The following UBE2E1 variants were observed in gnomAD, a reference collection of about 807,000 sequenced individuals.
UBE2E1 encodes ubiquitin conjugating enzyme E2 E1.
A neutral mutation model predicts 21.4 loss-of-function variants in UBE2E1; 6 were observed. The observed-to-expected ratio is 0.28, with a 90% CI of 0.15 to 0.55. The LOEUF is 0.55. Ranked by LOEUF, UBE2E1 falls within the 20% of genes least tolerant of loss-of-function variation. The probability of loss-of-function intolerance (pLI) is 0.93; values close to 1 mark genes in which losing one functional copy is unlikely to be tolerated. For synonymous variants in UBE2E1, 87 were observed against 82.7 expected (o/e 1.05, Z -0.28); for missense variants, 142 against 236.5 (o/e 0.60, Z 2.62).
intron 3 of UBE2E1, among the ~76,000 whole-genome samples, chr3:23,872,897 G>T (rs1011730996): frequency 2.6e-5 from 4 of 151,596 alleles, no homozygotes; most frequent in African/African-American, 9.7e-5. Flanking sequence ...CATGCCTGTA[G>T]TCCCAGCTAC....
chr3:23,807,123 G>A (rs1699295827), intron 1 of UBE2E1, 114 bp from the exon 2 acceptor site: 3 of 781,268 alleles, frequency 3.8e-6, no homozygotes, highest in Non-Finnish European at 5.8e-6. Flanking sequence ...CGAGTGGAGG[G>A]CGGTGGGCGG....
chr3:23,824,246 T>C (rs558329209), intron 3 of UBE2E1, among the ~76,000 whole-genome samples: 2 of 152,156 alleles, frequency 1.3e-5, no homozygotes, highest in Non-Finnish European at 2.9e-5. Flanking sequence ...CCCAGACTTA[T>C]TTGTTATGGA....
intron 3 of UBE2E1, among the ~76,000 whole-genome samples, chr3:23,865,528 T>C (rs1700638782): frequency 6.6e-6 from 1 of 152,150 alleles, no homozygotes; most frequent in Admixed American, 6.5e-5. Context: ...CTGTGTTTTG[T>C]ATTTTTTTAG....
chr3:23,891,267 T>G lies in UBE2E1; in HGVS notation c.*661T>G, dbSNP rs2125338217. 1 of 152,388 alleles carries G rather than the reference T, an allele frequency of 6.6e-6. No individual in the cohort carries two copies. The highest frequency in any genetic ancestry group is 2.1e-4 in the South Asian group (1 of 4,828). 9.4% of individuals were successfully genotyped at this position (152,388 alleles called of 1,614,324 possible). A position where few individuals can be genotyped will look rare whatever the true frequency, so the allele number is the denominator to read the frequency against. On this transcript the variant is annotated 3_prime_UTR_variant, in exon 6 of 6. Coordinates refer to ENST00000306627, the MANE Select transcript of UBE2E1 (RefSeq NM_003341.5). The stretch of plus-strand genomic sequence containing the variant: ...TTCTATGTTGTGGACTACTTAAGTC[T>G]GCATTTGTTACTGTGCTAATAAACA...
intron 3 of UBE2E1, among the ~76,000 whole-genome samples, chr3:23,820,644 A>C (rs1219652257): frequency 6.6e-6 from 1 of 152,226 alleles, no homozygotes; most frequent in East Asian, 1.9e-4. Context: ...CAAATATGAC[A>C]AAGTGAATGC....
Position 23,810,744 on chromosome 3 carries a change from C to G in UBE2E1, c.153-716C>G, listed in dbSNP as rs996463985. 1.9e-5 allele frequency: 6 copies of G among 321,024 alleles called. No homozygotes were observed. The highest frequency in any genetic ancestry group is 3.4e-5 in the Non-Finnish European group (6 of 178,498). The allele number at this position is 321,024 out of a possible 1,614,324, so 19.9% of individuals were successfully genotyped here. A position where few individuals can be genotyped will look rare whatever the true frequency, so the allele number is the denominator to read the frequency against. ...CGCGGAGCAGCCCCCGTGCGGGCAC[C>G]CTGTTCCCCTCCCCCGCCCGCAACT... is the stretch of plus-strand genomic sequence containing the variant. On this transcript the variant is annotated intron_variant, in intron 2 of 5. Transcript: ENST00000306627. The surrounding 1 kb of genome is among the most constrained non-coding windows in gnomAD (Gnocchi z 5.8).
At chr3:23,880,056 A>G (rs766353196) in intron 3 of UBE2E1, among the ~76,000 whole-genome samples, 13 of 152,034 alleles carry the variant, frequency 8.6e-5, no homozygotes, top group South Asian at 2.1e-4. Flanking sequence ...AGACCAGCCT[A>G]TGCAACCTGG....
At chr3:23,864,876 G>A (rs1469181910) in intron 3 of UBE2E1, among the ~76,000 whole-genome samples, 1 of 152,206 alleles carries the variant, frequency 6.6e-6, no homozygotes, top group Non-Finnish European at 1.5e-5. Context: ...AAGAAAACTG[G>A]GGTCTTACTG....
intron 3 of UBE2E1, among the ~76,000 whole-genome samples, chr3:23,835,029 G>A (rs891543032): frequency 3.9e-5 from 6 of 151,956 alleles, no homozygotes; most frequent in African/African-American, 1.5e-4. Flanking sequence ...AAAAAATACG[G>A]GACTAATTGT....
intron 3 of UBE2E1, among the ~76,000 whole-genome samples, chr3:23,885,214 C>G (rs1233966483): frequency 6.6e-6 from 1 of 152,184 alleles, no homozygotes; most frequent in African/African-American, 2.4e-5. Flanking sequence ...TTTAAGAACA[C>G]TAATCCTTTT....
rs529527147 is a variant in UBE2E1 at position 23,878,245 on chromosome 3, C to T, written c.204-9322C>T. ...CATCTGATTATTCAACAAAACAAAG[C>T]TTCAGTAGCACCCAGGAGGGCAGAC... On this transcript the variant is annotated intron_variant, in intron 3 of 5. Transcript: ENST00000306627. Among the ~76,000 whole-genome samples the T allele has an allele frequency of 4.6e-5, 7 of 152,266 alleles. No homozygotes were observed. The South Asian group carries it at 1.4e-3, about 32-fold the overall frequency.
At chr3:23,889,024 T>C in intron 4 of UBE2E1, 88 bp from the exon 5 acceptor site, 1 of 1,362,484 alleles carries the variant, frequency 7.3e-7, no homozygotes, top group Non-Finnish European at 9.9e-7. Flanking sequence ...AAACTGCTTT[T>C]AGTCACCTTC....
intron 3 of UBE2E1, among the ~76,000 whole-genome samples, chr3:23,821,921 G>T (rs1699655330): frequency 6.6e-6 from 1 of 151,996 alleles, no homozygotes; most frequent in South Asian, 2.1e-4. Flanking sequence ...ATACACATTT[G>T]TAAAGGAGAC....
intron 3 of UBE2E1, among the ~76,000 whole-genome samples, chr3:23,855,727 G>A (rs1361015826): frequency 6.6e-6 from 1 of 152,066 alleles, no homozygotes; most frequent in African/African-American, 2.4e-5. Context: ...CTACTCAGGA[G>A]GCTGAGGCAG....
intron 3 of UBE2E1, among the ~76,000 whole-genome samples, chr3:23,818,562 T>C (rs1699576097): frequency 6.6e-6 from 1 of 152,200 alleles, no homozygotes; most frequent in South Asian, 2.1e-4. Flanking sequence ...TCAGCAAAAT[T>C]ACACCATGTT....
intron 3 of UBE2E1, among the ~76,000 whole-genome samples, chr3:23,866,090 C>G (rs1308631099): frequency 6.6e-6 from 1 of 152,186 alleles, no homozygotes; most frequent in African/African-American, 2.4e-5. Context: ...AGGGCATAAC[C>G]TCACTCATTC....
At chr3:23,841,701 C>A (rs547868448) in intron 3 of UBE2E1, among the ~76,000 whole-genome samples, 1 of 152,166 alleles carries the variant, frequency 6.6e-6, no homozygotes, top group East Asian at 1.9e-4. Flanking sequence ...TTGTAGCCAC[C>A]ATTAACCAAA....
At chr3:23,830,557 T>A (rs1699846129) in intron 3 of UBE2E1, among the ~76,000 whole-genome samples, 1 of 152,068 alleles carries the variant, frequency 6.6e-6, no homozygotes, top group Non-Finnish European at 1.5e-5. Context: ...GGGGGCAGGT[T>A]TGGGGTTTTG....
chr3:23,827,020 C>T (rs1252416348), intron 3 of UBE2E1, among the ~76,000 whole-genome samples: 6 of 152,206 alleles, frequency 3.9e-5, no homozygotes, highest in Admixed American at 1.3e-4. Context: ...CTCATGACTC[C>T]TCCCTCTCCC....
Sources: gnomAD v4.1 joint callset for allele counts (sites outside exome capture counted in the v4.1 genomes callset) on GRCh38, gnomAD v4.1.1 for gene constraint, Gnocchi (gnomAD v3.1) non-coding constraint, MANE v1.5 for transcripts, NCBI Gene and HGNC (gene_info 2026-07-23, HGNC 2026-07-21) for gene names.